The following PARD3B variants were observed in gnomAD, a reference collection of about 807,000 sequenced individuals.
PARD3B encodes par-3 family cell polarity regulator beta.
PARD3B carries 103 observed loss-of-function variants against 130.2 expected under a neutral mutation model. That is an observed-to-expected ratio of 0.79 (90% CI 0.67 to 0.93). PARD3B has a LOEUF of 0.93. PARD3B is among the 40% of genes least tolerant of loss of function. PARD3B has a pLI of 0.00. For synonymous variants in PARD3B, 583 were observed against 553.2 expected, an observed-to-expected ratio of 1.05 and a Z score of -0.76; for missense variants, 1,609 against 1,499.2, an observed-to-expected ratio of 1.07 and a Z score of -1.21.
intron 1 of PARD3B, among the ~76,000 whole-genome samples, chr2:204,584,909 G>A (rs1157217219): frequency 1.3e-5 from 2 of 152,176 alleles, no homozygotes; most frequent in African/African-American, 4.8e-5. Flanking sequence ...AACTCCAAAT[G>A]GTGAGGAACT....
At chr2:205,251,213 G>A (rs1168519975) in intron 16 of PARD3B, among the ~76,000 whole-genome samples, 5 of 152,110 alleles carry the variant, frequency 3.3e-5, no homozygotes, top group Non-Finnish European at 5.9e-5. Flanking sequence ...GTATGAGAGG[G>A]ACATCTAATC....
Position 205,473,742 on chromosome 2 carries a change from A to T in PARD3B, c.3045-26154A>T, listed in dbSNP as rs1332437350. Among the ~76,000 whole-genome samples the T allele has an allele frequency of 6.8e-6, 1 of 146,464 alleles. No individual in the cohort carries two copies. Among genetic ancestry groups the T allele is most frequent in the Non-Finnish European group, 1.5e-5 (1 of 66,730 alleles). On this transcript the variant is annotated intron_variant, in intron 20 of 22. Transcript: ENST00000406610. This position sits in a 1 kb window ranked among gnomAD's most constrained non-coding sequence, Gnocchi z 4.9. ...CACGTATATAAAACCCTAAATATAT[A>T]TATATATATATATAACCTTAAATAT... is the stretch of plus-strand genomic sequence containing the variant.
intron 2 of PARD3B, among the ~76,000 whole-genome samples, chr2:204,911,394 T>C (rs1226581037): frequency 6.6e-6 from 1 of 152,214 alleles, no homozygotes; most frequent in Non-Finnish European, 1.5e-5. Flanking sequence ...TTCACCTGAC[T>C]AACAAATTGT....
At chr2:204,560,410 A>C (rs903839382) in intron 1 of PARD3B, among the ~76,000 whole-genome samples, 1 of 152,152 alleles carries the variant, frequency 6.6e-6, no homozygotes, top group Non-Finnish European at 1.5e-5. Flanking sequence ...TTTAACAGGC[A>C]TAGAGGAGCA....
chr2:204,681,605 CG>C (rs1654227447), intron 1 of PARD3B, among the ~76,000 whole-genome samples: 1 of 152,138 alleles, frequency 6.6e-6, no homozygotes, highest in Admixed American at 6.5e-5. Flanking sequence ...TTTCCTTTCA[CG>C]TGTCAGTGCT....
At chr2:205,540,899 G>A (rs2052095671) in intron 21 of PARD3B, among the ~76,000 whole-genome samples, 1 of 152,088 alleles carries the variant, frequency 6.6e-6, no homozygotes, top group Non-Finnish European at 1.5e-5. Flanking sequence ...CCAGCTTCTA[G>A]ATAAAAGATA....
At chr2:205,044,365 C>A (rs1392058106) in intron 3 of PARD3B, among the ~76,000 whole-genome samples, 10 of 148,244 alleles carry the variant, frequency 6.7e-5, no homozygotes, top group Non-Finnish European at 1.3e-4. Context: ...GTTCTAGATC[C>A]CTGAGGAATC....
chr2:205,427,622 A>G (rs1244132193), intron 19 of PARD3B, among the ~76,000 whole-genome samples: 26 of 152,174 alleles, frequency 1.7e-4, no homozygotes, highest in Admixed American at 1.7e-3. Flanking sequence ...AAACAAATAT[A>G]GTTATATTGC....
intron 7 of PARD3B, 67 bp downstream of exon 7, chr2:205,119,113 T>G: frequency 6.7e-7 from 1 of 1,484,428 alleles, no homozygotes; most frequent in Non-Finnish European, 9.0e-7. Context: ...ATTACTGAAC[T>G]CATTATGATC....
chr2:204,884,927 T>G (rs1278754093), intron 2 of PARD3B, among the ~76,000 whole-genome samples: 1 of 152,224 alleles, frequency 6.6e-6, no homozygotes, highest in Non-Finnish European at 1.5e-5. Context: ...TGAATGGTGC[T>G]GCAATAAGCA....
rs71029202 is a variant in PARD3B at position 204,643,115 on chromosome 2, C to CAAAAAAAAAAAAAA, written c.121-43058_121-43045dup. ...GGCGACAGAGGGAGACTCTGTCTCACAAAAAAAAAAAAAAAAAAAAATGTT... is the reference window on the plus strand; with the variant it reads ...GGCGACAGAGGGAGACTCTGTCTCACAAAAAAAAAAAAAAAAAAAAAAAAAAAAAAAAAAATGTT... On this transcript the variant is annotated intron_variant, in intron 1 of 22. Transcript: ENST00000406610. Among the ~76,000 whole-genome samples the CAAAAAAAAAAAAAA allele has an allele frequency of 3.0e-3, 97 of 31,808 alleles. 15 individuals are homozygous for CAAAAAAAAAAAAAA. Among genetic ancestry groups the CAAAAAAAAAAAAAA allele is most frequent in the African/African-American group, 8.5e-3 (87 of 10,188 alleles). The allele number at this position is 31,808 out of a possible 152,430, so 20.9% of individuals were successfully genotyped here.
chr2:205,529,666 C>A (rs1321340351), intron 21 of PARD3B, among the ~76,000 whole-genome samples: 1 of 152,082 alleles, frequency 6.6e-6, no homozygotes, highest in African/African-American at 2.4e-5. Context: ...GAGTTAGTAG[C>A]TTTTTGGACA....
chr2:205,430,541 G>A (rs1315321225), intron 19 of PARD3B, among the ~76,000 whole-genome samples: 5 of 152,110 alleles, frequency 3.3e-5, no homozygotes, highest in South Asian at 2.1e-4. Context: ...TAGATAGCTC[G>A]GATATGGAAG....
rs563217909 is a variant in PARD3B, at chr2:205,269,358, C to A, written c.2185+23536C>A. Among the ~76,000 whole-genome samples, 314 of 152,218 alleles carry A rather than the reference C, an allele frequency of 2.1e-3. 1 individual carries two copies. The highest frequency in any genetic ancestry group is 7.1e-3 in the African/African-American group (295 of 41,546). On this transcript the variant is annotated intron_variant, in intron 16 of 22. Transcript: ENST00000406610. The surrounding 1 kb of genome is among the most constrained non-coding windows in gnomAD (Gnocchi z 4.7). ...CTTATTTCAAACTGTTTCCCAATTT[C>A]AATTTATTCATCCTTTTTACTAGTG...
intron 20 of PARD3B, among the ~76,000 whole-genome samples, chr2:205,498,609 G>A (rs557030651): frequency 1.3e-5 from 2 of 152,316 alleles, no homozygotes; most frequent in East Asian, 3.9e-4. Context: ...ATGTGTGTAA[G>A]GCAGGACAAA....
chr2:204,632,482 G>GT (rs989882138), intron 1 of PARD3B, among the ~76,000 whole-genome samples: 1 of 152,054 alleles, frequency 6.6e-6, no homozygotes, highest in African/African-American at 2.4e-5. Flanking sequence ...GGTATTTGTG[G>GT]TTTTTTAAAT....
chr2:205,562,346 G>A lies in PARD3B; in HGVS notation c.3260+8943G>A, dbSNP rs928412047. Reference sequence around the variant, plus strand: ...ATGTTAAGACTCATACAGTAGTGATGTCCCCAAAGTAGTTTTAACTGAATC... The same window carrying A: ...ATGTTAAGACTCATACAGTAGTGATATCCCCAAAGTAGTTTTAACTGAATC... On this transcript the variant is annotated intron_variant, in intron 22 of 22. Coordinates refer to ENST00000406610, the MANE Select transcript of PARD3B (RefSeq NM_001302769.2). This position sits in a 1 kb window ranked among gnomAD's most constrained non-coding sequence, Gnocchi z 5.4. Among the ~76,000 whole-genome samples the A allele has an allele frequency of 6.6e-6, 1 of 152,184 alleles. No individual in the cohort carries two copies. Among genetic ancestry groups the A allele is most frequent in the African/African-American group, 2.4e-5 (1 of 41,442 alleles).
At chr2:204,988,174 T>C (rs1693338694) in intron 3 of PARD3B, among the ~76,000 whole-genome samples, 1 of 152,214 alleles carries the variant, frequency 6.6e-6, no homozygotes, top group African/African-American at 2.4e-5. Flanking sequence ...GGATTAGCAC[T>C]GCATGCATGA....
chr2:205,606,759 T>C (rs1432753721), intron 22 of PARD3B, among the ~76,000 whole-genome samples: 1 of 152,222 alleles, frequency 6.6e-6, no homozygotes, highest in Non-Finnish European at 1.5e-5. Flanking sequence ...TTTCCTCCTG[T>C]TGTTTATCTC....
Sources: allele counts gnomAD v4.1 joint callset (sites outside exome capture counted in the v4.1 genomes callset), GRCh38; gene constraint gnomAD v4.1.1; non-coding constraint Gnocchi (gnomAD v3.1); transcripts MANE v1.5; gene names NCBI Gene and HGNC (gene_info 2026-07-23, HGNC 2026-07-21).